The following FBXL17 variants were observed in gnomAD, a reference collection of about 807,000 sequenced individuals.
FBXL17 encodes the protein F-box/LRR-repeat protein 17.
In FBXL17, 22 loss-of-function variants were observed where a neutral mutation model predicts 66.2. The observed-to-expected ratio is 0.33, with a 90% confidence interval of 0.24 to 0.47. FBXL17 has a LOEUF of 0.47. Ranked by LOEUF, FBXL17 falls within the 20% of genes least tolerant of loss-of-function variation. FBXL17 has a pLI of 1.00. For synonymous variants in FBXL17, 474 were observed against 400.5 expected (o/e 1.18, Z -2.19); for missense variants, 878 against 948.2 (o/e 0.93, Z 0.97).
chr5:108,028,784 C>A (rs563869631), intron 6 of FBXL17, among the ~76,000 whole-genome samples: 1 of 152,004 alleles, frequency 6.6e-6, no homozygotes, highest in African/African-American at 2.4e-5. Flanking sequence ...CAGAAGACTA[C>A]AAAACACAGG....
chr5:108,001,591 C>T (rs1355031087), intron 7 of FBXL17, among the ~76,000 whole-genome samples: 1 of 152,006 alleles, frequency 6.6e-6, no homozygotes, highest in Non-Finnish European at 1.5e-5. Flanking sequence ...AGCTCCACCT[C>T]CTGGGTTCAA....
intron 4 of FBXL17, among the ~76,000 whole-genome samples, chr5:108,270,815 T>C (rs1008460867): frequency 7.9e-5 from 12 of 152,048 alleles, no homozygotes; most frequent in East Asian, 1.9e-4. Context: ...AATTGAAGAG[T>C]TGACAGTTTT....
At chr5:107,912,845 CAA>C (rs1749997791) in intron 7 of FBXL17, among the ~76,000 whole-genome samples, 1 of 151,972 alleles carries the variant, frequency 6.6e-6, no homozygotes, top group South Asian at 2.1e-4. Flanking sequence ...TTTGGTGCCC[CAA>C]GAACCTGGGT....
intron 4 of FBXL17, among the ~76,000 whole-genome samples, chr5:108,224,548 C>CACAA (rs1755015172): frequency 6.9e-6 from 1 of 144,332 alleles, no homozygotes; most frequent in South Asian, 2.1e-4. Context: ...CACACACACA[C>CACAA]ACACACACAA....
chr5:108,041,429 G>GT (rs1359482485), intron 6 of FBXL17, among the ~76,000 whole-genome samples: 1 of 151,932 alleles, frequency 6.6e-6, no homozygotes, highest in African/African-American at 2.4e-5. Flanking sequence ...GTTTTGTTTT[G>GT]TTTTTGAGAC....
At chr5:108,257,295 T>C (rs1269742795) in intron 4 of FBXL17, among the ~76,000 whole-genome samples, 1 of 152,178 alleles carries the variant, frequency 6.6e-6, no homozygotes, top group Non-Finnish European at 1.5e-5. Context: ...CAGGGATTAC[T>C]GGGAATATCA....
chr5:107,968,354 T>C (rs1315577729), intron 7 of FBXL17, among the ~76,000 whole-genome samples: 1 of 152,130 alleles, frequency 6.6e-6, no homozygotes, highest in South Asian at 2.1e-4. Context: ...AAAAAGAAGT[T>C]TACTTATGTA....
intron 6 of FBXL17, among the ~76,000 whole-genome samples, chr5:108,101,166 G>A (rs972762535): frequency 6.6e-6 from 1 of 152,236 alleles, no homozygotes; most frequent in African/African-American, 2.4e-5. Context: ...CAGAGGAGAG[G>A]CATTGAAGAA....
intron 3 of FBXL17, among the ~76,000 whole-genome samples, chr5:108,358,976 A>G (rs1169048390): frequency 1.3e-5 from 2 of 152,034 alleles, no homozygotes; most frequent in Non-Finnish European, 2.9e-5. Flanking sequence ...GGCTCAAGCA[A>G]TCCTCCTGCC....
At position 108,381,886 on chromosome 5, in the gene FBXL17, G is replaced by C; in HGVS notation, c.-195C>G. The stretch of plus-strand genomic sequence containing the variant: ...GCTGCGGGCCGCCGGAGTGCCCGAC[G>C]GGGGCTACATGCTTTGCCCAGGGAA... On this transcript the variant is annotated 5_prime_UTR_variant, in exon 1 of 9. Transcript: ENST00000542267. 1 of 1,293,760 alleles carries C rather than the reference G, an allele frequency of 7.7e-7. No homozygotes were observed. Among genetic ancestry groups the C allele is most frequent in the South Asian group, 2.2e-5 (1 of 44,496 alleles). The allele number at this position is 1,293,760 out of a possible 1,614,324, so 80.1% of individuals were successfully genotyped here. A position where few individuals can be genotyped will look rare whatever the true frequency, so the allele number is the denominator to read the frequency against.
At chr5:107,924,655 A>G (rs1206091440) in intron 7 of FBXL17, among the ~76,000 whole-genome samples, 1 of 152,158 alleles carries the variant, frequency 6.6e-6, no homozygotes, top group African/African-American at 2.4e-5. Context: ...TTTATACTCT[A>G]CAGTTCAGCA....
intron 7 of FBXL17, among the ~76,000 whole-genome samples, chr5:107,940,922 T>C (rs975406044): frequency 2.0e-5 from 3 of 152,126 alleles, no homozygotes; most frequent in African/African-American, 4.8e-5. Flanking sequence ...TTAAAGAGGT[T>C]CCCATGTAAT....
intron 7 of FBXL17, among the ~76,000 whole-genome samples, chr5:107,895,191 G>C (rs1749333927): frequency 6.6e-6 from 1 of 151,966 alleles, no homozygotes; most frequent in Non-Finnish European, 1.5e-5. Context: ...CTGGTGGCTA[G>C]ATACTACCTT....
chr5:108,359,994 A>G (rs1373451665), intron 3 of FBXL17, among the ~76,000 whole-genome samples: 2 of 152,182 alleles, frequency 1.3e-5, no homozygotes, highest in East Asian at 3.8e-4. Context: ...ATATGTGGTT[A>G]TAATTGCTAC....
intron 6 of FBXL17, among the ~76,000 whole-genome samples, chr5:108,082,976 G>C (rs1748825479): frequency 6.6e-6 from 1 of 152,102 alleles, no homozygotes; most frequent in Non-Finnish European, 1.5e-5. Context: ...ATTTGTTTAA[G>C]AAAGCAATGT....
chr5:107,862,950 T>C (rs1288480851), intron 8 of FBXL17, among the ~76,000 whole-genome samples: 2 of 151,442 alleles, frequency 1.3e-5, no homozygotes, highest in Non-Finnish European at 3.0e-5. Flanking sequence ...TTAATTCTTT[T>C]TACATTATTG....
intron 6 of FBXL17, among the ~76,000 whole-genome samples, chr5:108,044,768 G>C (rs538199351): frequency 2.6e-5 from 4 of 152,208 alleles, no homozygotes; most frequent in Non-Finnish European, 5.9e-5. Context: ...TGGACCTGGA[G>C]ATTTATTTTG....
intron 8 of FBXL17, among the ~76,000 whole-genome samples, chr5:107,871,069 A>AAAAAAAAAACAAAAC (rs1561511893): frequency 7.7e-6 from 1 of 130,174 alleles, no homozygotes; most frequent in African/African-American, 3.2e-5. Context: ...AAAAAAAAAA[A>AAAAAAAAAACAAAAC]AAAAAAAAAA....
intron 6 of FBXL17, among the ~76,000 whole-genome samples, chr5:108,033,342 GTTAT>G (rs1746713273): frequency 6.6e-6 from 1 of 152,058 alleles, no homozygotes; most frequent in South Asian, 2.1e-4. Flanking sequence ...TTTGTTAATG[GTTAT>G]TTATTAAGTA....
Sources: gnomAD v4.1 joint callset for allele counts (sites outside exome capture counted in the v4.1 genomes callset) on GRCh38, gnomAD v4.1.1 for gene constraint, MANE v1.5 for transcripts, NCBI Gene and HGNC (gene_info 2026-07-23, HGNC 2026-07-21) for gene names.